The following STK10 variants were observed in gnomAD, a reference collection of about 807,000 sequenced individuals.
STK10 encodes serine/threonine kinase 10.
A neutral mutation model predicts 113.8 loss-of-function variants in STK10; 78 were observed. That is an observed-to-expected ratio of 0.69 (90% CI 0.57 to 0.83). The LOEUF (loss-of-function observed/expected upper bound fraction) is 0.83, where lower values mean the gene tolerates loss of function less well. STK10 is among the 40% of genes least tolerant of loss of function. The probability of loss-of-function intolerance (pLI) is 0.00; values close to 1 mark genes in which losing one functional copy is unlikely to be tolerated. For missense variants in STK10, 1,109 were observed against 1,280.1 expected (o/e 0.87, Z 2.04); for synonymous variants, 465 against 494.7 (o/e 0.94, Z 0.80).
chr5:172,180,176 G>A (rs561615005), intron 1 of STK10, among the ~76,000 whole-genome samples: 157 of 152,304 alleles, frequency 1.0e-3, no homozygotes, highest in African/African-American at 3.3e-3. Flanking sequence ...TTGAAAGTCC[G>A]GCCTAGGCCG....
chr5:172,159,125 G>A (rs989750744), intron 1 of STK10, among the ~76,000 whole-genome samples: 1 of 152,216 alleles, frequency 6.6e-6, no homozygotes, highest in Admixed American at 6.5e-5. Flanking sequence ...CACACAAGGA[G>A]CTAGTGTCTG....
In STK10 at chr5:172,133,477, G is replaced by C. The variant is rs1193670479; in HGVS notation, c.322-6056C>G. Among the ~76,000 whole-genome samples, 1 of 152,160 alleles carries C rather than the reference G, an allele frequency of 6.6e-6. No homozygotes were observed. The highest frequency in any genetic ancestry group is 1.5e-5 in the Non-Finnish European group (1 of 68,032). Reference sequence around the variant, plus strand: ...CCCTGCAAGGGAGGGGTAGAAGCAGGGTGCTAAGCCAGTCAGGAAAATTTT... The same window carrying C: ...CCCTGCAAGGGAGGGGTAGAAGCAGCGTGCTAAGCCAGTCAGGAAAATTTT... On this transcript the variant is annotated intron_variant, in intron 2 of 18. Transcript: ENST00000176763. The surrounding 1 kb of genome is among the most constrained non-coding windows in gnomAD (Gnocchi z 4.9).
At position 172,106,685 on chromosome 5, in the gene STK10, G is replaced by T; in HGVS notation, c.723C>A (p.Asn241Lys). The change falls in exon 6 of 19, where the codon AAC becomes AAA. Residue 241 changes from asparagine (N) to lysine (K), a missense_variant. Transcript: ENST00000176763. ...CGATCTTTAGCAGGACCCGCATGGG[G>T]TTGAGCTCGTGGTGTGGCGGCTCGA... ...AQIEPPHHEL[N>K]PMRVLLKIAK... 1 of 1,614,060 alleles carries T rather than the reference G, an allele frequency of 6.2e-7. No homozygotes were observed. The highest frequency in any genetic ancestry group is 8.5e-7 in the Non-Finnish European group (1 of 1,180,042).
Position 172,175,679 on chromosome 5 carries a change from G to T in STK10, c.156+12208C>A, listed in dbSNP as rs564726004. Among the ~76,000 whole-genome samples the T allele has an allele frequency of 1.5e-3, 228 of 152,284 alleles. 2 individuals carry two copies. Among genetic ancestry groups the T allele is most frequent in the African/African-American group, 5.2e-3 (217 of 41,568 alleles). ...TTGCAAAGAAGGGTGACATTCCTGG[G>T]CACAGAGACCACAAGGCCAAGAGTA... On this transcript the variant is annotated intron_variant, in intron 1 of 18. Coordinates refer to ENST00000176763, the MANE Select transcript of STK10 (RefSeq NM_005990.4).
In STK10 at chr5:172,082,841, G is replaced by A; in HGVS notation, c.1809+120C>T. 1.4e-6 allele frequency: 2 copies of A among 1,463,768 alleles called. No individual in the cohort carries two copies. Among genetic ancestry groups the A allele is most frequent in the South Asian group, 1.3e-5 (1 of 75,384 alleles). The allele number at this position is 1,463,768 out of a possible 1,614,324, so 90.7% of individuals were successfully genotyped here. ...CCTAACAAGATCGGGAAGCCCCCAGGAATTGGGCAATTGTTGTGAATTACT... is the reference window on the plus strand; with the variant it reads ...CCTAACAAGATCGGGAAGCCCCCAGAAATTGGGCAATTGTTGTGAATTACT... On this transcript the variant is annotated intron_variant, in intron 11 of 18. Coordinates refer to ENST00000176763, the MANE Select transcript of STK10 (RefSeq NM_005990.4). The surrounding 1 kb of genome is among the most constrained non-coding windows in gnomAD (Gnocchi z 4.3).
At chr5:172,139,629 G>A (rs550557770) in intron 2 of STK10, among the ~76,000 whole-genome samples, 2 of 152,130 alleles carry the variant, frequency 1.3e-5, no homozygotes, top group Admixed American at 1.3e-4. Context: ...AATGGAGCTG[G>A]GAAAACTGGA....
rs544941963 is a variant in STK10, at chr5:172,061,031, G to A, written c.2212+108C>T. Reference sequence around the variant, plus strand: ...CCCATGAAGAATGATGTTTAGTTTTGGGGATGGAGAAGGCCTGGGAGGTTC... The same window carrying A: ...CCCATGAAGAATGATGTTTAGTTTTAGGGATGGAGAAGGCCTGGGAGGTTC... On this transcript the variant is annotated intron_variant, in intron 14 of 18. Coordinates refer to ENST00000176763, the MANE Select transcript of STK10 (RefSeq NM_005990.4). 3 of 1,438,228 alleles carry A rather than the reference G, an allele frequency of 2.1e-6. No homozygotes were observed. The South Asian group carries it at 4.5e-5, about 21-fold the overall frequency. The allele number at this position is 1,438,228 out of a possible 1,614,324, so 89.1% of individuals were successfully genotyped here. A position where few individuals can be genotyped will look rare whatever the true frequency, so the allele number is the denominator to read the frequency against.
At chr5:172,110,335 C>G (rs1375732846) in intron 4 of STK10, among the ~76,000 whole-genome samples, 1 of 152,186 alleles carries the variant, frequency 6.6e-6, no homozygotes, top group Non-Finnish European at 1.5e-5. Flanking sequence ...CATACACTAA[C>G]TGCACATCTA....
At chr5:172,105,872 G>A (rs1769092983) in intron 6 of STK10, 135 bp from the exon 7 acceptor site, 1 of 710,640 alleles carries the variant, frequency 1.4e-6, no homozygotes, top group Non-Finnish European at 2.4e-6. Context: ...ACAGTGACAG[G>A]GCCTACACGA....
chr5:172,141,958 T>C (rs1425261465), intron 2 of STK10, among the ~76,000 whole-genome samples: 1 of 152,160 alleles, frequency 6.6e-6, no homozygotes, highest in Admixed American at 6.5e-5. Context: ...AGGTAACTCG[T>C]CCATTCATTC....
chr5:172,182,309 A>C (rs1238037563), intron 1 of STK10, among the ~76,000 whole-genome samples: 1 of 49,750 alleles, frequency 2.0e-5, no homozygotes, highest in South Asian at 8.3e-4. Context: ...TCTCAGAGGG[A>C]AAAAAAAAAA....
intron 10 of STK10, among the ~76,000 whole-genome samples, chr5:172,087,512 T>C: frequency 6.6e-6 from 1 of 152,008 alleles, no homozygotes. Context: ...TGACCTCAGG[T>C]GATCCACTCG....
intron 2 of STK10, among the ~76,000 whole-genome samples, chr5:172,134,593 T>C (rs2113794753): frequency 6.6e-6 from 1 of 152,096 alleles, no homozygotes; most frequent in Admixed American, 6.6e-5. Context: ...ATTGAACATA[T>C]TTGTGCATCA....
intron 2 of STK10, among the ~76,000 whole-genome samples, chr5:172,131,021 T>A (rs375021610): frequency 2.0e-4 from 30 of 149,648 alleles, no homozygotes; most frequent in African/African-American, 7.2e-4. Flanking sequence ...GTTATGGACA[T>A]GCCATCAGCT....
At chr5:172,159,863 C>CT (rs1770432172) in intron 1 of STK10, among the ~76,000 whole-genome samples, 1 of 152,014 alleles carries the variant, frequency 6.6e-6, no homozygotes, top group Non-Finnish European at 1.5e-5. Flanking sequence ...AAAGGCCGGG[C>CT]GCAGTGGCTC....
rs776357641 is a variant in STK10, at chr5:172,044,936, G to A, written c.2853C>T (p.Ser951=). Residue 951 remains serine (S), a synonymous_variant, in exon 19 of 19, where the codon TCC becomes TCT. Transcript: ENST00000176763. This position sits in a 1 kb window ranked among gnomAD's most constrained non-coding sequence, Gnocchi z 4.5. ...AGAACTTGGCGGCCTTGCTTGGGGT[G>A]GAGGGGTTTGGGCACTCCGCCTCCT... The part of the protein sequence containing the change: ...LSEEAECPNP[S]TPSKAAKFFP... 5.6e-6 allele frequency: 9 copies of A among 1,614,092 alleles called. No homozygotes were observed. The African/African-American group carries it at 1.2e-4, about 22-fold the overall frequency.
At chr5:172,127,736 G>A (rs893956699) in intron 2 of STK10, among the ~76,000 whole-genome samples, 3 of 152,142 alleles carry the variant, frequency 2.0e-5, no homozygotes, top group Non-Finnish European at 4.4e-5. Flanking sequence ...CCTCGCTCCC[G>A]CCTATGCGCC....
chr5:172,066,324 A>AT (rs111386696), intron 12 of STK10, among the ~76,000 whole-genome samples: 55,798 of 150,094 alleles, frequency 0.37, 10,572 homozygotes, highest in African/African-American at 0.44. Flanking sequence ...TAAGTTTCCT[A>AT]TTTTTTTTTT....
chr5:172,044,427 G>C lies in STK10; in HGVS notation c.*455C>G, dbSNP rs1192736368. 1.2e-5 allele frequency: 2 copies of C among 166,138 alleles called. No individual in the cohort carries two copies. Among genetic ancestry groups the C allele is most frequent in the Non-Finnish European group, 2.6e-5 (2 of 75,898 alleles). 10.3% of individuals were successfully genotyped at this position (166,138 alleles called of 1,614,324 possible). On this transcript the variant is annotated 3_prime_UTR_variant, in exon 19 of 19. Coordinates refer to ENST00000176763, the MANE Select transcript of STK10 (RefSeq NM_005990.4). This position sits in a 1 kb window ranked among gnomAD's most constrained non-coding sequence, Gnocchi z 4.5. ...CAGAAATGGCTGTGAGGGACTTGAT[G>C]ATTGAGTGACTCTGCAGGGAATGGC...
Sources: gnomAD v4.1 joint callset for allele counts (sites outside exome capture counted in the v4.1 genomes callset) on GRCh38, gnomAD v4.1.1 for gene constraint, Gnocchi (gnomAD v3.1) non-coding constraint, MANE v1.5 for transcripts, NCBI Gene and HGNC (gene_info 2026-07-23, HGNC 2026-07-21) for gene names.